Variants in COPB2 observed in about 807,000 individuals in gnomAD.
COPB2 encodes coatomer subunit beta'.
Under a neutral mutation model 120.8 loss-of-function variants are expected in COPB2, and 16 were observed. The ratio of observed to expected loss-of-function variants is 0.13; its 90% confidence interval spans 0.09 to 0.20. The LOEUF (loss-of-function observed/expected upper bound fraction) is 0.20. Among genes scored for constraint, COPB2 ranks in the 10% least tolerant of loss-of-function variants. The pLI is 1.00. For synonymous variants in COPB2, 332 were observed against 366.3 expected (o/e 0.91, Z 1.07); for missense variants, 794 against 1,076.5 (o/e 0.74, Z 3.67).
At position 139,358,992 on chromosome 3, in the gene COPB2, A is replaced by G. The variant is rs368582279; in HGVS notation, c.2484+6T>C. 6.3e-5 allele frequency: 102 copies of G among 1,609,712 alleles called. No homozygotes were observed. Among genetic ancestry groups the G allele is most frequent in the Non-Finnish European group, 8.1e-5 (96 of 1,178,426 alleles). On this transcript the variant is annotated splice_donor_region_variant and intron_variant, in intron 19 of 21. Coordinates refer to ENST00000333188, the MANE Select transcript of COPB2 (RefSeq NM_004766.3). ...ATAAATGAAGCTTGACATCCTGGCC[A>G]CTCACCGTGACAAGTGGGTATTGTT...
chr3:139,358,679 T>C, intron 20 of COPB2, 65 bp downstream of exon 20: 1 of 1,174,110 alleles, frequency 8.5e-7, no homozygotes, highest in Non-Finnish European at 1.3e-6. Context: ...AAACTCTGTC[T>C]CAAAAGAAAA....
intron 1 of COPB2, chr3:139,389,347 T>C: frequency 1.3e-6 from 1 of 794,408 alleles, no homozygotes; most frequent in Non-Finnish European, 1.7e-6. Flanking sequence ...TAGCAGGCTT[T>C]GCCTCCCCAA....
intron 1 of COPB2, 68 bp from the exon 2 acceptor site, chr3:139,383,503 T>C: frequency 1.4e-6 from 2 of 1,397,772 alleles, no homozygotes; most frequent in Non-Finnish European, 9.5e-7. Context: ...TTTAACTAAA[T>C]AAGTGCATGA....
intron 17 of COPB2, among the ~76,000 whole-genome samples, chr3:139,360,843 T>C (rs1053788108): frequency 1.3e-5 from 2 of 152,212 alleles, no homozygotes; most frequent in African/African-American, 2.4e-5. Context: ...GTGTTTAACA[T>C]TTCTCCCACT....
chr3:139,378,988 A>G, intron 4 of COPB2, 59 bp downstream of exon 4: 1 of 1,491,680 alleles, frequency 6.7e-7, no homozygotes, highest in Non-Finnish European at 9.0e-7. Context: ...AGCATGTCTC[A>G]GTGAATGAAA....
rs776914376 is a variant in COPB2, at chr3:139,375,533, C to T, written c.586G>A (p.Gly196Ser). 6.2e-7 allele frequency: 1 copy of T among 1,614,102 alleles called. No homozygotes were observed. The highest frequency in any genetic ancestry group is 8.5e-7 in the Non-Finnish European group (1 of 1,179,964). ...KGVNCIDYYS[G>S]GDKPYLISGA... ...GAAATGAGGTATGGCTTGTCCCCAC[C>T]ACTGTAGTAATCAATGCAATTCACG... Residue 196 changes from glycine (G) to serine (S), a missense_variant, in exon 6 of 22, where the codon GGT becomes AGT. By Grantham distance (56) the Gly-to-Ser change is moderately conservative. This residue lies in a region of COPB2 where 610 missense variants were observed against 866.7 expected (regional missense o/e 0.70). Transcript: ENST00000333188.
At chr3:139,370,937 T>G (rs1941613263) in intron 10 of COPB2, among the ~76,000 whole-genome samples, 1 of 152,212 alleles carries the variant, frequency 6.6e-6, no homozygotes, top group African/African-American at 2.4e-5. Context: ...TAAATCTTAC[T>G]GTTGTAACAT....
In COPB2 at chr3:139,373,434, C is replaced by T. The variant is rs530894067; in HGVS notation, c.895-22G>A. The T allele has an allele frequency of 2.5e-5, 41 of 1,612,468 alleles. No individual in the cohort carries two copies. In the African/African-American group the frequency reaches 2.7e-4, roughly 10 times the overall value. Reference sequence around the variant, plus strand: ...CAAGCTGAAAGAAAGAAAAATAGCTCTCAGCAATGAAAAGGAAAATGAATA... The same window carrying T: ...CAAGCTGAAAGAAAGAAAAATAGCTTTCAGCAATGAAAAGGAAAATGAATA... On this transcript the variant is annotated intron_variant, in intron 8 of 21. Coordinates refer to ENST00000333188, the MANE Select transcript of COPB2 (RefSeq NM_004766.3).
intron 1 of COPB2, among the ~76,000 whole-genome samples, chr3:139,388,796 C>CT (rs34994462): frequency 1.2e-4 from 17 of 141,440 alleles, no homozygotes; most frequent in African/African-American, 3.6e-4. Context: ...CGGCTAATTT[C>CT]TTTTTTTTTT....
chr3:139,360,586 A>G (rs1941400216), intron 17 of COPB2, among the ~76,000 whole-genome samples: 1 of 152,048 alleles, frequency 6.6e-6, no homozygotes, highest in Admixed American at 6.6e-5. Context: ...ACTAATGTCC[A>G]AATGATTTGG....
At chr3:139,371,869 G>C in intron 9 of COPB2, 36 bp from the exon 10 acceptor site, 2 of 1,517,234 alleles carry the variant, frequency 1.3e-6, no homozygotes, top group Admixed American at 1.7e-5. Context: ...GAAGTACAGA[G>C]GACCAAAGAC....
chr3:139,360,638 T>C (rs1941401569), intron 17 of COPB2, among the ~76,000 whole-genome samples: 1 of 152,218 alleles, frequency 6.6e-6, no homozygotes. Context: ...GAGACATCTT[T>C]ATGCTTTATA....
At chr3:139,381,331 T>G (rs922585988) in intron 2 of COPB2, 6 of 152,238 alleles carry the variant, frequency 3.9e-5, no homozygotes, top group African/African-American at 1.4e-4. Flanking sequence ...ACCTTTTTAC[T>G]TCCAAAAACC....
intron 6 of COPB2, 137 bp from the exon 7 acceptor site, chr3:139,374,725 T>G: frequency 3.8e-6 from 2 of 520,422 alleles, no homozygotes; most frequent in Non-Finnish European, 6.4e-6. Context: ...ATAGAAATTT[T>G]TGAAATAGGA....
At chr3:139,377,548 C>T (rs1941736631) in intron 5 of COPB2, among the ~76,000 whole-genome samples, 1 of 152,176 alleles carries the variant, frequency 6.6e-6, no homozygotes, top group African/African-American at 2.4e-5. Context: ...CCAGGCTAGT[C>T]CTGGAAATCC....
intron 2 of COPB2, chr3:139,381,082 T>A (rs1359615726): frequency 2.0e-5 from 3 of 152,224 alleles, no homozygotes; most frequent in African/African-American, 7.2e-5. Flanking sequence ...ATAGGTTTCA[T>A]ACACAATTTT....
At chr3:139,389,340 C>T in intron 1 of COPB2, 1 of 696,578 alleles carries the variant, frequency 1.4e-6, no homozygotes, top group East Asian at 3.5e-5. Context: ...CCCTCACTAG[C>T]AGGCTTTGCC....
Position 139,358,985 on chromosome 3 carries a change from C to T in COPB2, c.2484+13G>A, listed in dbSNP as rs770690208. The T allele has an allele frequency of 1.9e-5, 30 of 1,608,674 alleles. No homozygotes were observed. The highest frequency in any genetic ancestry group is 6.8e-5 in the Admixed American group (4 of 59,042). ...AGTTACAATAAATGAAGCTTGACAT[C>T]CTGGCCACTCACCGTGACAAGTGGG... On this transcript the variant is annotated intron_variant, in intron 19 of 21. Coordinates refer to ENST00000333188, the MANE Select transcript of COPB2 (RefSeq NM_004766.3).
chr3:139,389,317 G>A (rs1488060195), intron 1 of COPB2, among the ~76,000 whole-genome samples: 1 of 152,238 alleles, frequency 6.6e-6, no homozygotes, highest in Non-Finnish European at 1.5e-5. Context: ...ACAAGCGCCA[G>A]GGGAGACAAA....
Sources: allele counts gnomAD v4.1 joint callset (sites outside exome capture counted in the v4.1 genomes callset), GRCh38; gene constraint gnomAD v4.1.1; regional missense constraint gnomAD v4.1.1; transcripts MANE v1.5; gene names NCBI Gene and HGNC (gene_info 2026-07-23, HGNC 2026-07-21).